Variants in CHST8 observed in about 807,000 individuals in gnomAD.
CHST8 encodes carbohydrate sulfotransferase 8, also known as GALNAC-4-ST1.
Under a neutral mutation model 15.0 loss-of-function variants are expected in CHST8, and 10 were observed. The ratio of observed to expected loss-of-function variants is 0.67; its 90% confidence interval spans 0.41 to 1.13. CHST8 has a LOEUF of 1.13. Ranked by LOEUF, CHST8 falls within the 50% of genes most tolerant of loss-of-function variation. The pLI is 0.00. For synonymous variants in CHST8, 259 were observed against 256.6 expected, an observed-to-expected ratio of 1.01 and a Z score of -0.09; for missense variants, 634 against 608.2, an observed-to-expected ratio of 1.04 and a Z score of -0.45.
In CHST8 at chr19:33,730,760, G is replaced by A. The variant is rs527937499; in HGVS notation, c.131-40653G>A. Among the ~76,000 whole-genome samples the A allele has an allele frequency of 1.1e-4, 17 of 152,278 alleles. 1 individual carries two copies. The South Asian group carries it at 1.2e-3, about 11-fold the overall frequency. ...ACAAAGTGAAATTCCACAATAGGCC[G>A]TCTGCAAGCTGAGGAGCAAGGAAGC... On this transcript the variant is annotated intron_variant, in intron 3 of 4. Coordinates refer to ENST00000650847, the MANE Select transcript of CHST8 (RefSeq NM_001127895.2).
intron 3 of CHST8, among the ~76,000 whole-genome samples, chr19:33,767,463 C>T (rs1430964588): frequency 6.6e-6 from 1 of 152,236 alleles, no homozygotes; most frequent in African/African-American, 2.4e-5. Flanking sequence ...TCTGCCTCTC[C>T]TCAATCAGGA....
Position 33,773,172 on chromosome 19 carries a change from G to C in CHST8, c.*109G>C, listed in dbSNP as rs1459107060. The stretch of plus-strand genomic sequence containing the variant: ...CTGGGAGCAACAGGGCTCTGAGGAC[G>C]TGAGGAGCCATCGCTGTGGGAGGCA... On this transcript the variant is annotated 3_prime_UTR_variant, in exon 5 of 5. Coordinates refer to ENST00000650847, the MANE Select transcript of CHST8 (RefSeq NM_001127895.2). The C allele has an allele frequency of 3.9e-6, 5 of 1,269,776 alleles. No homozygotes were observed. Among genetic ancestry groups the C allele is most frequent in the Non-Finnish European group, 5.3e-6 (5 of 944,680 alleles). 78.7% of individuals were successfully genotyped at this position (1,269,776 alleles called of 1,614,324 possible).
intron 1 of CHST8, among the ~76,000 whole-genome samples, chr19:33,623,145 C>T (rs1264777235): frequency 6.6e-6 from 1 of 152,106 alleles, no homozygotes; most frequent in Non-Finnish European, 1.5e-5. Flanking sequence ...GGACTCCCGC[C>T]GCCCTAACTT....
intron 3 of CHST8, among the ~76,000 whole-genome samples, chr19:33,718,825 G>A (rs1973719092): frequency 6.6e-6 from 1 of 152,216 alleles, no homozygotes; most frequent in Non-Finnish European, 1.5e-5. Flanking sequence ...GGATCCAGTG[G>A]GGAGAGGTCA....
At chr19:33,714,060 A>G (rs891070084) in intron 3 of CHST8, among the ~76,000 whole-genome samples, 1 of 151,868 alleles carries the variant, frequency 6.6e-6, no homozygotes, top group African/African-American at 2.4e-5. Context: ...GGTGTTAAAA[A>G]CCCCAGTGTC....
chr19:33,676,033 T>C (rs772246223), intron 2 of CHST8, among the ~76,000 whole-genome samples: 20 of 152,096 alleles, frequency 1.3e-4, no homozygotes, highest in Non-Finnish European at 2.4e-4. Flanking sequence ...ACCCATTGCC[T>C]CCTCTTTCAT....
intron 1 of CHST8, among the ~76,000 whole-genome samples, chr19:33,626,744 G>A (rs867376689): frequency 2.0e-5 from 3 of 151,272 alleles, no homozygotes; most frequent in Admixed American, 6.6e-5. Context: ...TCTTGTACAG[G>A]CTGCAGAATT....
At chr19:33,732,326 C>G (rs1974011586) in intron 3 of CHST8, among the ~76,000 whole-genome samples, 1 of 152,108 alleles carries the variant, frequency 6.6e-6, no homozygotes, top group Admixed American at 6.5e-5. Context: ...GTACTACATA[C>G]TGTCCTGACA....
At chr19:33,675,448 G>A (rs1468513758) in intron 2 of CHST8, among the ~76,000 whole-genome samples, 2 of 152,230 alleles carry the variant, frequency 1.3e-5, no homozygotes, top group African/African-American at 4.8e-5. Context: ...TGGGTCCCCA[G>A]TGACACTGTA....
Position 33,689,145 on chromosome 19 carries a change from C to T in CHST8, c.-86-31C>T, listed in dbSNP as rs375986998. On this transcript the variant is annotated intron_variant, in intron 2 of 4. Transcript: ENST00000650847. Reference sequence around the variant, plus strand: ...ACACCTGCCCGGGTGCCTCGCGCCTCGGTGATGACTATCCCTCCTCTGCCC... The same window carrying T: ...ACACCTGCCCGGGTGCCTCGCGCCTTGGTGATGACTATCCCTCCTCTGCCC... 76 of 1,308,490 alleles carry T rather than the reference C, an allele frequency of 5.8e-5. No homozygotes were observed. The South Asian group carries it at 9.7e-4, about 17-fold the overall frequency. The allele number at this position is 1,308,490 out of a possible 1,614,324, so 81.1% of individuals were successfully genotyped here.
chr19:33,730,925 C>T (rs1035001318), intron 3 of CHST8, among the ~76,000 whole-genome samples: 9 of 152,118 alleles, frequency 5.9e-5, no homozygotes, highest in Non-Finnish European at 1.2e-4. Context: ...GTCCGATGTT[C>T]GAGGGCAGGA....
intron 3 of CHST8, among the ~76,000 whole-genome samples, chr19:33,732,573 A>G (rs192584257): frequency 3.3e-5 from 5 of 152,100 alleles, no homozygotes; most frequent in Admixed American, 3.3e-4. Context: ...GGCAAGTACT[A>G]TACTTAAAAT....
chr19:33,757,754 G>T (rs1446256419), intron 3 of CHST8, among the ~76,000 whole-genome samples: 2 of 151,806 alleles, frequency 1.3e-5, no homozygotes, highest in South Asian at 4.2e-4. Flanking sequence ...TCACTATGTT[G>T]CCCAGACTCA....
intron 3 of CHST8, among the ~76,000 whole-genome samples, chr19:33,706,853 C>T (rs1304654380): frequency 2.6e-5 from 4 of 152,204 alleles, no homozygotes; most frequent in Non-Finnish European, 5.9e-5. Flanking sequence ...GTGCAGGCCT[C>T]GTCCCTTCAC....
At chr19:33,632,091 C>A (rs977803776) in intron 1 of CHST8, among the ~76,000 whole-genome samples, 1 of 151,998 alleles carries the variant, frequency 6.6e-6, no homozygotes, top group Non-Finnish European at 1.5e-5. Context: ...CCCCACTGGC[C>A]AGTGTCCCCT....
chr19:33,663,461 G>A (rs558968052), intron 1 of CHST8, among the ~76,000 whole-genome samples: 1 of 152,172 alleles, frequency 6.6e-6, no homozygotes, highest in African/African-American at 2.4e-5. Flanking sequence ...GCTACTCAGT[G>A]GGCCAAGGCG....
intron 3 of CHST8, among the ~76,000 whole-genome samples, chr19:33,697,681 G>T (rs1215606695): frequency 6.6e-6 from 1 of 152,236 alleles, no homozygotes; most frequent in Non-Finnish European, 1.5e-5. Context: ...GCTGCCTGTG[G>T]TTCACTGTAC....
At chr19:33,771,323 G>C in intron 3 of CHST8, 90 bp from the exon 4 acceptor site, 1 of 1,298,658 alleles carries the variant, frequency 7.7e-7, no homozygotes, top group Non-Finnish European at 1.1e-6. Flanking sequence ...CCTCCAGCCT[G>C]GATGTCCACA....
intron 3 of CHST8, among the ~76,000 whole-genome samples, chr19:33,703,082 G>A (rs1408430107): frequency 1.3e-5 from 2 of 152,202 alleles, no homozygotes; most frequent in Non-Finnish European, 2.9e-5. Context: ...CACAGCCCAG[G>A]GCAGCTGCCG....
Sources: gnomAD v4.1 joint callset for allele counts (sites outside exome capture counted in the v4.1 genomes callset) on GRCh38, gnomAD v4.1.1 for gene constraint, MANE v1.5 for transcripts, NCBI Gene and HGNC (gene_info 2026-07-23, HGNC 2026-07-21) for gene names.